The following TMEM272 variants were observed in gnomAD, a reference collection of about 807,000 sequenced individuals.
TMEM272 encodes the protein long intergenic non-protein coding RNA 282.
Under a neutral mutation model 3.7 loss-of-function variants are expected in TMEM272, and 8 were observed. The observed-to-expected ratio is 2.17, with a 90% CI of 1.27 to 3.91. The LOEUF (loss-of-function observed/expected upper bound fraction) is 3.91, where lower values mean the gene tolerates loss of function less well. Among genes scored for constraint, TMEM272 ranks in the 30% most tolerant of loss-of-function variants. The probability of loss-of-function intolerance (pLI) is 0.00; values close to 1 mark genes in which losing one functional copy is unlikely to be tolerated. For synonymous variants in TMEM272, 63 were observed against 39.8 expected, an observed-to-expected ratio of 1.58 and a Z score of -2.20; for missense variants, 166 against 91.5, an observed-to-expected ratio of 1.81 and a Z score of -3.32.
chr13:51,894,221 G>T, the TMEM272 span, among the ~76,000 whole-genome samples: 3 of 152,226 alleles, frequency 2.0e-5, no homozygotes, highest in East Asian at 5.8e-4. Context: ...GGACAGAAGT[G>T]GCTGCAGGCA....
At chr13:51,903,000 C>T in the TMEM272 span, among the ~76,000 whole-genome samples, 10 of 152,196 alleles carry the variant, frequency 6.6e-5, no homozygotes, top group Non-Finnish European at 1.2e-4. Context: ...TGAGTGCATC[C>T]GCCTGGTAAA....
At chr13:51,911,053 G>A in the TMEM272 span, among the ~76,000 whole-genome samples, 1 of 152,132 alleles carries the variant, frequency 6.6e-6, no homozygotes, top group African/African-American at 2.4e-5. Context: ...GCTAAGCTTT[G>A]GGGTCTTTCA....
At chr13:51,866,038 C>T in the TMEM272 span, 1 of 1,603,522 alleles carries the variant, frequency 6.2e-7, no homozygotes, top group African/African-American at 1.3e-5. Flanking sequence ...ACAACGCCAA[C>T]AGAGGGCAGC....
the TMEM272 span, among the ~76,000 whole-genome samples, chr13:51,856,546 A>G: frequency 2.0e-5 from 3 of 152,032 alleles, no homozygotes; most frequent in African/African-American, 7.2e-5. Context: ...CCAGGCTTAC[A>G]CCCAGGAATG....
intron 1 of TMEM272, 55 bp from the exon 2 acceptor site, chr13:51,838,608 C>G (rs1243105835): frequency 2.8e-6 from 2 of 702,700 alleles, no homozygotes; most frequent in African/African-American, 3.5e-5. Flanking sequence ...TACTCAGCAC[C>G]AATAACCAAC....
chr13:51,887,927 G>T, the TMEM272 span, among the ~76,000 whole-genome samples: 2 of 152,126 alleles, frequency 1.3e-5, no homozygotes, highest in African/African-American at 4.8e-5. Flanking sequence ...AGTTTTCTGG[G>T]ACAGACATGA....
chr13:51,885,251 T>C, the TMEM272 span, among the ~76,000 whole-genome samples: 1 of 152,248 alleles, frequency 6.6e-6, no homozygotes, highest in Non-Finnish European at 1.5e-5. Flanking sequence ...ATAGCATGTA[T>C]TAATCCGTTC....
At chr13:51,821,804 C>T (rs1480437210) in intron 4 of TMEM272, among the ~76,000 whole-genome samples, 2 of 151,726 alleles carry the variant, frequency 1.3e-5, no homozygotes, top group African/African-American at 4.9e-5. Flanking sequence ...CTTGTCAGAC[C>T]AAAGCCACAG....
the TMEM272 span, among the ~76,000 whole-genome samples, chr13:51,867,870 T>C: frequency 2.0e-5 from 3 of 152,232 alleles, no homozygotes; most frequent in South Asian, 2.1e-4. Context: ...GTGTGGGCCA[T>C]TGGATGGTAT....
At chr13:51,909,213 T>G in the TMEM272 span, 1 of 1,284,792 alleles carries the variant, frequency 7.8e-7, no homozygotes, top group Non-Finnish European at 1.1e-6. Context: ...ATCATTGAGG[T>G]TTCTTTCAGC....
At chr13:51,818,620 G>A (rs1956054180) in intron 4 of TMEM272, among the ~76,000 whole-genome samples, 1 of 152,170 alleles carries the variant, frequency 6.6e-6, no homozygotes, top group Admixed American at 6.5e-5. Context: ...AAATAAACAT[G>A]GGCGCAGGAC....
At chr13:51,908,705 A>C in the TMEM272 span, 3 of 1,480,882 alleles carry the variant, frequency 2.0e-6, no homozygotes, top group Non-Finnish European at 2.8e-6. Flanking sequence ...GTATATTAAA[A>C]CTTCTGAGTT....
chr13:51,887,440 G>A, the TMEM272 span, among the ~76,000 whole-genome samples: 1 of 152,184 alleles, frequency 6.6e-6, no homozygotes, highest in Non-Finnish European at 1.5e-5. Flanking sequence ...TTTCTTTTAG[G>A]ATTTGTTAAA....
chr13:51,835,485 A>G (rs1311019392), intron 2 of TMEM272, among the ~76,000 whole-genome samples: 2 of 152,186 alleles, frequency 1.3e-5, no homozygotes, highest in East Asian at 3.9e-4. Context: ...CGGTCTCCCA[A>G]AGTGCTGGGA....
At chr13:51,894,816 A>G in the TMEM272 span, among the ~76,000 whole-genome samples, 1 of 151,990 alleles carries the variant, frequency 6.6e-6, no homozygotes, top group South Asian at 2.1e-4. Flanking sequence ...TATTATTATT[A>G]CATTGTAATA....
At chr13:51,833,072 G>A (rs967975206) in intron 2 of TMEM272, among the ~76,000 whole-genome samples, 1 of 152,148 alleles carries the variant, frequency 6.6e-6, no homozygotes, top group Non-Finnish European at 1.5e-5. Context: ...GTTGATGGAT[G>A]GGTAGGATTT....
intron 1 of TMEM272, among the ~76,000 whole-genome samples, chr13:51,844,265 T>TA (rs1433535689): frequency 6.6e-6 from 1 of 152,134 alleles, no homozygotes. Flanking sequence ...TATGATTGTG[T>TA]TTTTACTGAT....
At chr13:51,908,925 T>G in the TMEM272 span, 4 of 1,391,818 alleles carry the variant, frequency 2.9e-6, no homozygotes, top group Non-Finnish European at 4.1e-6. Context: ...CTTGGTAATC[T>G]GGTGGTCCAG....
At position 51,826,102 on chromosome 13, in the gene TMEM272, T is replaced by C. The variant is rs1021915144; in HGVS notation, c.118+464A>G. ...TTCTGGATTATGAGGTTGTTTAATA[T>C]ACGTGATTTATGGAAATATTTACTC... On this transcript the variant is annotated intron_variant, in intron 3 of 4. Coordinates refer to ENST00000629372, the MANE Select transcript of TMEM272 (RefSeq NM_001351003.2). 3.5e-5 allele frequency among the ~76,000 whole-genome samples: 5 copies of C among 142,952 alleles called. No homozygotes were observed. The East Asian group carries it at 8.2e-4, about 23-fold the overall frequency. 93.8% of individuals were successfully genotyped at this position (142,952 alleles called of 152,430 possible).
Sources: gnomAD v4.1 joint callset for allele counts (sites outside exome capture counted in the v4.1 genomes callset) on GRCh38, gnomAD v4.1.1 for gene constraint, MANE v1.5 for transcripts, NCBI Gene and HGNC (gene_info 2026-07-23, HGNC 2026-07-21) for gene names.